ZNF804B: variants seen among roughly 807,000 people sequenced by gnomAD.
The protein encoded by ZNF804B is zinc finger protein 804B.
In ZNF804B, 80 loss-of-function variants were observed where a neutral mutation model predicts 101.4. That is an observed-to-expected ratio of 0.79 (90% CI 0.66 to 0.95). The LOEUF is 0.95. Ranked by LOEUF, ZNF804B falls within the 40% of genes least tolerant of loss-of-function variation. The pLI is 0.00. For synonymous variants in ZNF804B, 622 were observed against 558.8 expected, an observed-to-expected ratio of 1.11 and a Z score of -1.59; for missense variants, 1,673 against 1,561.9, an observed-to-expected ratio of 1.07 and a Z score of -1.20.
chr7:88,862,439 A>G (rs1791664224), intron 1 of ZNF804B, among the ~76,000 whole-genome samples: 1 of 152,166 alleles, frequency 6.6e-6, no homozygotes, highest in Non-Finnish European at 1.5e-5. Flanking sequence ...ATGGAGGTAT[A>G]CAGGAAGACA....
rs1337489461 is a variant in ZNF804B, at chr7:89,337,305, G to C, written c.*273G>C. On this transcript the variant is annotated 3_prime_UTR_variant, in exon 4 of 4. Transcript: ENST00000333190. Reference sequence around the variant, plus strand: ...AAAGATTTGTTTTGGATGGGTTCTCGCATAATGTTATAAAATAGCAACAGA... The same window carrying C: ...AAAGATTTGTTTTGGATGGGTTCTCCCATAATGTTATAAAATAGCAACAGA... 6.6e-6 allele frequency among the ~76,000 whole-genome samples: 1 copy of C among 151,962 alleles called. No individual in the cohort carries two copies. Among genetic ancestry groups the C allele is most frequent in the Non-Finnish European group, 1.5e-5 (1 of 67,976 alleles).
chr7:89,217,065 T>G (rs1788907069), intron 1 of ZNF804B, among the ~76,000 whole-genome samples: 1 of 152,218 alleles, frequency 6.6e-6, no homozygotes, highest in Non-Finnish European at 1.5e-5. Flanking sequence ...GACAACATGT[T>G]GTTTAGTATT....
chr7:88,988,332 A>C (rs1793794562), intron 1 of ZNF804B, among the ~76,000 whole-genome samples: 1 of 152,092 alleles, frequency 6.6e-6, no homozygotes, highest in African/African-American at 2.4e-5. Flanking sequence ...CTCTATTGAA[A>C]ATGTGGAGAC....
chr7:88,768,756 A>G (rs566836480), intron 1 of ZNF804B, among the ~76,000 whole-genome samples: 5 of 152,276 alleles, frequency 3.3e-5, no homozygotes, highest in South Asian at 2.1e-4. Context: ...ACTGATTTTT[A>G]TGTGTTCAGT....
Position 88,931,482 on chromosome 7 carries a change from T to C in ZNF804B, c.108+171398T>C, listed in dbSNP as rs114435464. The stretch of plus-strand genomic sequence containing the variant: ...CAAAGGAAGGCTGCATCTGCCATCA[T>C]GGAAATAAGTTTTATGAATCTTTAA... On this transcript the variant is annotated intron_variant, in intron 1 of 3. Transcript: ENST00000333190. Among the ~76,000 whole-genome samples the C allele has an allele frequency of 1.6e-3, 240 of 152,054 alleles. 2 individuals are homozygous for C. The highest frequency in any genetic ancestry group is 5.3e-3 in the African/African-American group (222 of 41,548).
At chr7:89,145,887 A>C (rs1240930670) in intron 1 of ZNF804B, among the ~76,000 whole-genome samples, 5 of 152,002 alleles carry the variant, frequency 3.3e-5, no homozygotes, top group Non-Finnish European at 7.4e-5. Context: ...CTATTTCTTA[A>C]CCTTTAAAGA....
At chr7:89,249,986 G>GA (rs1296700894) in intron 2 of ZNF804B, among the ~76,000 whole-genome samples, 1 of 152,056 alleles carries the variant, frequency 6.6e-6, no homozygotes, top group African/African-American at 2.4e-5. Context: ...AGGAGTTCAA[G>GA]ACCAGCCAGG....
chr7:89,270,317 T>C (rs1037542438), intron 2 of ZNF804B, among the ~76,000 whole-genome samples: 2 of 152,258 alleles, frequency 1.3e-5, no homozygotes, highest in Non-Finnish European at 2.9e-5. Flanking sequence ...ATTTATTAAA[T>C]AGGGAATCCT....
rs1790144577 is a variant in ZNF804B at position 88,776,569 on chromosome 7, T to TG, written c.108+16485_108+16486insG. Among the ~76,000 whole-genome samples, 15 of 141,044 alleles carry TG rather than the reference T, an allele frequency of 1.1e-4. No homozygotes were observed. The South Asian group carries it at 1.3e-3, about 12-fold the overall frequency. The allele number at this position is 141,044 out of a possible 152,430, so 92.5% of individuals were successfully genotyped here. On this transcript the variant is annotated intron_variant, in intron 1 of 3. Transcript: ENST00000333190. The stretch of plus-strand genomic sequence containing the variant: ...TTTCTCGTGGTGTTTTGTTTTTTTT[T>TG]TTTTTTTTTTTTCAGAGCAAATTGA...
intron 1 of ZNF804B, among the ~76,000 whole-genome samples, chr7:88,808,522 TCTC>T (rs1211411412): frequency 6.6e-6 from 1 of 151,724 alleles, no homozygotes; most frequent in African/African-American, 2.4e-5. Flanking sequence ...GGAAGTGAGA[TCTC>T]CTCACCTCTA....
intron 2 of ZNF804B, among the ~76,000 whole-genome samples, chr7:89,322,212 C>A (rs1354780855): frequency 1.3e-5 from 2 of 152,152 alleles, no homozygotes; most frequent in Non-Finnish European, 1.5e-5. Context: ...AACCGCTTGA[C>A]ATAATGATAT....
At chr7:89,125,993 G>T (rs555895559) in intron 1 of ZNF804B, among the ~76,000 whole-genome samples, 1 of 152,114 alleles carries the variant, frequency 6.6e-6, no homozygotes, top group East Asian at 1.9e-4. Flanking sequence ...CTGATGATCA[G>T]ATATATTACA....
At chr7:88,955,785 C>T (rs1259190993) in intron 1 of ZNF804B, among the ~76,000 whole-genome samples, 1 of 151,304 alleles carries the variant, frequency 6.6e-6, no homozygotes, top group East Asian at 2.0e-4. Flanking sequence ...CTGCACAGCA[C>T]AGGAAACAAT....
intron 1 of ZNF804B, among the ~76,000 whole-genome samples, chr7:88,862,256 G>GA (rs1353477631): frequency 6.6e-6 from 1 of 152,152 alleles, no homozygotes; most frequent in Non-Finnish European, 1.5e-5. Flanking sequence ...AAATTTGGGG[G>GA]AAAAAACCCT....
At position 89,171,285 on chromosome 7, in the gene ZNF804B, G is replaced by GCTTCTTCTT. The variant is rs1554373340; in HGVS notation, c.109-46868_109-46867insTCTTCTTCT. 6.7e-3 allele frequency among the ~76,000 whole-genome samples: 430 copies of GCTTCTTCTT among 64,482 alleles called. 1 individual carries two copies. The highest frequency in any genetic ancestry group is 0.014 in the African/African-American group (259 of 18,922). The allele number at this position is 64,482 out of a possible 152,430, so 42.3% of individuals were successfully genotyped here. ...TGAAGTAGGCACAAATAATGCTGCT[G>GCTTCTTCTT]CTGCTTCTTCTTCTTCTTCTTCTTC... On this transcript the variant is annotated intron_variant, in intron 1 of 3. Transcript: ENST00000333190.
At position 89,169,937 on chromosome 7, in the gene ZNF804B, C is replaced by T. The variant is rs548512111; in HGVS notation, c.109-48218C>T. On this transcript the variant is annotated intron_variant, in intron 1 of 3. Transcript: ENST00000333190. ...AGAGAAATAAGAAGCTATTGGTAAG[C>T]CTGCAAGTCAGTTATTTAGTGATAA... Among the ~76,000 whole-genome samples, 3 of 152,192 alleles carry T rather than the reference C, an allele frequency of 2.0e-5. No homozygotes were observed. In the South Asian group the frequency reaches 6.2e-4, roughly 32 times the overall value.
At chr7:89,084,814 G>T (rs965343498) in intron 1 of ZNF804B, among the ~76,000 whole-genome samples, 2 of 151,698 alleles carry the variant, frequency 1.3e-5, no homozygotes, top group African/African-American at 4.8e-5. Flanking sequence ...CTATTTATAT[G>T]ATTTCTATTT....
chr7:88,894,151 A>T (rs1358277243), intron 1 of ZNF804B, among the ~76,000 whole-genome samples: 1 of 152,128 alleles, frequency 6.6e-6, no homozygotes, highest in Non-Finnish European at 1.5e-5. Flanking sequence ...TTAATTTTAG[A>T]TTAAACATTA....
chr7:88,777,969 A>T (rs955997119), intron 1 of ZNF804B, among the ~76,000 whole-genome samples: 1 of 152,152 alleles, frequency 6.6e-6, no homozygotes, highest in Non-Finnish European at 1.5e-5. Context: ...ATGGGTACAA[A>T]TATTTATATT....
Sources: allele counts gnomAD v4.1 joint callset (sites outside exome capture counted in the v4.1 genomes callset), GRCh38; gene constraint gnomAD v4.1.1; transcripts MANE v1.5; gene names NCBI Gene and HGNC (gene_info 2026-07-23, HGNC 2026-07-21).